The following DPP6 variants were observed in gnomAD, a reference collection of about 807,000 sequenced individuals.
DPP6 encodes the protein A-type potassium channel modulatory protein DPP6.
In DPP6, 69 loss-of-function variants were observed where a neutral mutation model predicts 122.6. The observed-to-expected ratio is 0.56, with a 90% confidence interval of 0.46 to 0.69. DPP6 has a LOEUF of 0.69. Ranked by LOEUF, DPP6 falls within the 30% of genes least tolerant of loss-of-function variation. DPP6 has a pLI of 0.00. For synonymous variants in DPP6, 418 were observed against 433.1 expected, an observed-to-expected ratio of 0.97 and a Z score of 0.43; for missense variants, 928 against 1,116.9, an observed-to-expected ratio of 0.83 and a Z score of 2.41.
chr7:154,061,123 A>C (rs1209795134), intron 1 of DPP6, among the ~76,000 whole-genome samples: 1 of 148,362 alleles, frequency 6.7e-6, no homozygotes, highest in East Asian at 1.9e-4. Flanking sequence ...CCGGAAATTA[A>C]GGGCAGAAGG....
intron 1 of DPP6, among the ~76,000 whole-genome samples, chr7:154,190,032 G>T (rs1032255000): frequency 7.2e-5 from 11 of 152,094 alleles, no homozygotes; most frequent in Non-Finnish European, 1.6e-4. Flanking sequence ...CTTTATTCAT[G>T]AACATTAAAA....
At chr7:153,749,262 C>A in the DPP6 span, among the ~76,000 whole-genome samples, 1 of 152,166 alleles carries the variant, frequency 6.6e-6, no homozygotes, top group Non-Finnish European at 1.5e-5. The surrounding 1 kb of genome is among the most constrained non-coding windows in gnomAD (Gnocchi z 4.1). Flanking sequence ...GCCGGCCACC[C>A]TGGGGCTGGA....
chr7:153,769,293 G>A, the DPP6 span, among the ~76,000 whole-genome samples: 1 of 152,124 alleles, frequency 6.6e-6, no homozygotes, highest in African/African-American at 2.4e-5. Flanking sequence ...AGGTATACAA[G>A]GTGATATTTT....
Position 153,892,109 on chromosome 7 carries a change from C to G in DPP6, c.51+4375C>G, listed in dbSNP as rs137893255. Among the ~76,000 whole-genome samples the G allele has an allele frequency of 7.6e-3, 1,151 of 152,316 alleles. 5 individuals are homozygous for G. The highest frequency in any genetic ancestry group is 0.013 in the South Asian group (61 of 4,814). On this transcript the variant is annotated intron_variant, in intron 1 of 25. Transcript: ENST00000404039. ...GATCTTTTCAGAACTATTGTCTTCT[C>G]TTTTCTATGTTGGATAAAACATCTG... is the stretch of plus-strand genomic sequence containing the variant.
chr7:154,653,513 A>T (rs1464289140), intron 6 of DPP6, among the ~76,000 whole-genome samples: 1 of 152,204 alleles, frequency 6.6e-6, no homozygotes, highest in Non-Finnish European at 1.5e-5. Flanking sequence ...TAGATAATAG[A>T]TAAATAGGTA....
chr7:154,858,034 T>C (rs1802986764), intron 17 of DPP6, among the ~76,000 whole-genome samples: 5 of 152,292 alleles, frequency 3.3e-5, no homozygotes. Context: ...CTTGTACTTG[T>C]TCCATTTGAT....
chr7:154,240,893 G>A (rs113953735), intron 1 of DPP6, among the ~76,000 whole-genome samples: 1 of 152,142 alleles, frequency 6.6e-6, no homozygotes, highest in African/African-American at 2.4e-5. Flanking sequence ...CATTTGAAAT[G>A]AGCAATACTT....
chr7:153,885,444 C>T (rs1243555290), upstream of DPP6, among the ~76,000 whole-genome samples: 1 of 151,886 alleles, frequency 6.6e-6, no homozygotes, highest in Non-Finnish European at 1.5e-5. Flanking sequence ...GGAGCCATCA[C>T]CCTGATAAAA....
intron 1 of DPP6, among the ~76,000 whole-genome samples, chr7:153,892,727 G>A (rs190070455): frequency 6.6e-6 from 1 of 152,182 alleles, no homozygotes; most frequent in Non-Finnish European, 1.5e-5. Context: ...AAAATGCTTG[G>A]TGCTGGTTCT....
chr7:153,936,831 G>A (rs1328814415), intron 1 of DPP6, among the ~76,000 whole-genome samples: 1 of 151,712 alleles, frequency 6.6e-6, no homozygotes, highest in East Asian at 1.9e-4. Context: ...AGAAATGTGA[G>A]AGGAAGTGAC....
At chr7:154,079,155 A>G (rs1803804341) in intron 1 of DPP6, among the ~76,000 whole-genome samples, 1 of 152,118 alleles carries the variant, frequency 6.6e-6, no homozygotes, top group Non-Finnish European at 1.5e-5. Flanking sequence ...AGATCGCACC[A>G]CTGTACTCCA....
At chr7:153,863,337 A>G in the DPP6 span, among the ~76,000 whole-genome samples, 1 of 152,118 alleles carries the variant, frequency 6.6e-6, no homozygotes, top group African/African-American at 2.4e-5. Context: ...TCTATCATTG[A>G]TGGGCATTGG....
chr7:154,507,294 A>G (rs905381564), intron 3 of DPP6, among the ~76,000 whole-genome samples: 2 of 152,034 alleles, frequency 1.3e-5, no homozygotes, highest in African/African-American at 4.8e-5. Context: ...TTTTACTTTA[A>G]GTTCTGGGAT....
intron 1 of DPP6, among the ~76,000 whole-genome samples, chr7:154,300,248 ACCCGT>A (rs1435997341): frequency 6.6e-6 from 1 of 152,054 alleles, no homozygotes; most frequent in East Asian, 1.9e-4. Context: ...TACAGAGAAG[ACCCGT>A]CTTGGCTGAG....
intron 1 of DPP6, among the ~76,000 whole-genome samples, chr7:154,023,713 C>G (rs1798831723): frequency 6.6e-6 from 1 of 152,084 alleles, no homozygotes; most frequent in South Asian, 2.1e-4. Flanking sequence ...AACTCCTGAT[C>G]TCAGGTGATT....
chr7:154,366,028 G>A (rs1812159008), intron 1 of DPP6, among the ~76,000 whole-genome samples: 1 of 151,506 alleles, frequency 6.6e-6, no homozygotes, highest in Non-Finnish European at 1.5e-5. Context: ...GGGTAAGCCT[G>A]CGCTGCTGGG....
chr7:154,242,146 A>AC (rs969912611), intron 1 of DPP6, among the ~76,000 whole-genome samples: 1 of 151,936 alleles, frequency 6.6e-6, no homozygotes, highest in Admixed American at 6.6e-5. Flanking sequence ...ATTTGTGCAT[A>AC]CCCCCGACTG....
intron 1 of DPP6, among the ~76,000 whole-genome samples, chr7:154,226,915 T>C (rs980251868): frequency 3.3e-5 from 5 of 152,152 alleles, no homozygotes; most frequent in African/African-American, 1.2e-4. Context: ...GACAGTTTCC[T>C]TCAACCAGTT....
intron 1 of DPP6, chr7:154,057,545 AAAGAAAGCAG>A (rs1307474596): frequency 6.6e-6 from 1 of 150,896 alleles, no homozygotes; most frequent in South Asian, 2.1e-4. Flanking sequence ...TCAGGAACAG[AAAGAAAGCAG>A]GTTATTTGCA....
Sources: allele counts gnomAD v4.1 joint callset (sites outside exome capture counted in the v4.1 genomes callset), GRCh38; gene constraint gnomAD v4.1.1; non-coding constraint Gnocchi (gnomAD v3.1); transcripts MANE v1.5; gene names NCBI Gene and HGNC (gene_info 2026-07-23, HGNC 2026-07-21).